Variants in PCDHGB3 observed in about 807,000 individuals in gnomAD.
PCDHGB3 encodes the protein protocadherin gamma-B3.
Under a neutral mutation model 59.2 loss-of-function variants are expected in PCDHGB3, and 40 were observed. The ratio of observed to expected loss-of-function variants is 0.68; its 90% CI spans 0.52 to 0.88. The LOEUF is 0.88. PCDHGB3 is among the 40% of genes least tolerant of loss of function. The pLI is 0.00. For missense variants in PCDHGB3, 1,309 were observed against 1,187.9 expected (o/e 1.10, Z -1.50); for synonymous variants, 581 against 503.6 (o/e 1.15, Z -2.06).
intron 1 of PCDHGB3, chr5:141,484,855 G>T (rs1178318896): frequency 3.9e-6 from 1 of 257,336 alleles, no homozygotes; most frequent in East Asian, 8.3e-5. Context: ...GTTTTTTGGG[G>T]GGTGGGGGAG....
At chr5:141,496,782 C>T (rs552953558) in intron 2 of PCDHGB3, among the ~76,000 whole-genome samples, 16 of 152,136 alleles carry the variant, frequency 1.1e-4, no homozygotes, top group South Asian at 2.1e-4. Context: ...TGAGCAGGGC[C>T]CTGTGCTAAA....
At chr5:141,394,937 C>A in intron 1 of PCDHGB3, 1 of 1,613,806 alleles carries the variant, frequency 6.2e-7, no homozygotes, top group Non-Finnish European at 8.5e-7. Context: ...TCGCCTTTGT[C>A]GCTGTGCTTC....
intron 2 of PCDHGB3, among the ~76,000 whole-genome samples, chr5:141,503,611 A>AG (rs992110793): frequency 6.6e-6 from 1 of 151,948 alleles, no homozygotes; most frequent in Non-Finnish European, 1.5e-5. Flanking sequence ...AAAAAAAAAA[A>AG]AAAGAAAAAA....
intron 1 of PCDHGB3, among the ~76,000 whole-genome samples, chr5:141,450,467 T>C (rs997813636): frequency 9.2e-5 from 14 of 151,944 alleles, no homozygotes; most frequent in African/African-American, 3.2e-4. Flanking sequence ...ATTTTATATA[T>C]AGAGTTTGTT....
At position 141,421,672 on chromosome 5, in the gene PCDHGB3, C is replaced by T; in HGVS notation, c.2415+48863C>T. On this transcript the variant is annotated intron_variant, in intron 1 of 3. Coordinates refer to ENST00000576222, the MANE Select transcript of PCDHGB3 (RefSeq NM_018924.5). Reference sequence around the variant, plus strand: ...GATAAAAGTCAGTGAGCACGCAATTCCTGGGGCGCGATTTGCTCTTCCTAA... The same window carrying T: ...GATAAAAGTCAGTGAGCACGCAATTTCTGGGGCGCGATTTGCTCTTCCTAA... 4 of 1,613,862 alleles carry T rather than the reference C, an allele frequency of 2.5e-6. No individual in the cohort carries two copies. The highest frequency in any genetic ancestry group is 1.6e-4 in the Middle Eastern group (1 of 6,062).
At chr5:141,414,233 T>A in intron 1 of PCDHGB3, 1 of 1,613,474 alleles carries the variant, frequency 6.2e-7, no homozygotes, top group Non-Finnish European at 8.5e-7. Flanking sequence ...GAGCTGACCA[T>A]CACGTCTCTA....
intron 1 of PCDHGB3, among the ~76,000 whole-genome samples, chr5:141,466,180 AT>A (rs922532578): frequency 6.6e-6 from 1 of 151,138 alleles, no homozygotes; most frequent in Admixed American, 6.6e-5. Context: ...TTTTATTTTT[AT>A]TTTTTTTCAG....
rs752341952 is a variant in PCDHGB3 at position 141,431,380 on chromosome 5, T to C, written c.2415+58571T>C. 10 of 1,613,902 alleles carry C rather than the reference T, an allele frequency of 6.2e-6. No homozygotes were observed. The highest frequency in any genetic ancestry group is 8.5e-6 in the Non-Finnish European group (10 of 1,180,024). ...CCCTGGACCGCGAAGAAAAGGCTGCTCACCACCTGGTCCTTACGGCCTCCG... is the reference window on the plus strand; with the variant it reads ...CCCTGGACCGCGAAGAAAAGGCTGCCCACCACCTGGTCCTTACGGCCTCCG... On this transcript the variant is annotated intron_variant, in intron 1 of 3. Transcript: ENST00000576222. The surrounding 1 kb of genome is among the most constrained non-coding windows in gnomAD (Gnocchi z 4.8).
rs746190919 is a variant in PCDHGB3 at position 141,371,965 on chromosome 5, A to T, written c.1571A>T (p.Gln524Leu). 6.2e-7 allele frequency: 1 copy of T among 1,613,282 alleles called. No homozygotes were observed. Among genetic ancestry groups the T allele is most frequent in the South Asian group, 1.1e-5 (1 of 91,068 alleles). ...VFAQRAFDHE[Q>L]LRAFELTLQA... ...GCGCAGCGAGCCTTCGACCACGAGC[A>T]GCTGCGTGCCTTCGAGCTCACTCTG... Residue 524 changes from glutamine to leucine, a missense_variant, in exon 1 of 4, where the codon CAG becomes CTG. Transcript: ENST00000576222.
At chr5:141,411,161 A>G (rs2095470005) in intron 1 of PCDHGB3, 1 of 152,284 alleles carries the variant, frequency 6.6e-6, no homozygotes, top group Non-Finnish European at 1.5e-5. Context: ...AGTTCTGACT[A>G]TCGAACAGAA....
rs762297700 is a variant in PCDHGB3, at chr5:141,370,735, TA to T, written c.344del (p.Asn115ThrfsTer5). On this transcript the variant is annotated frameshift_variant, in exon 1 of 4. Coordinates refer to ENST00000576222, the MANE Select transcript of PCDHGB3 (RefSeq NM_018924.5). LOFTEE classifies it high-confidence loss of function. ...TTTGAAATGGTTGCTGAAAAGCCTT[TA>T]AACTTTTTTCATGTAACTGTGCTGA... ...LEFEMVAEKP[L>X]NFFHVTVLIQ... is the part of the protein sequence containing the mutation. 1 of 1,613,926 alleles carries T rather than the reference TA, an allele frequency of 6.2e-7. No homozygotes were observed. Among genetic ancestry groups the T allele is most frequent in the Non-Finnish European group, 8.5e-7 (1 of 1,179,898 alleles).
chr5:141,372,210 T>C lies in PCDHGB3; in HGVS notation c.1816T>C (p.Tyr606His), dbSNP rs763593596. The part of the protein sequence containing the change: ...ADSGYNAWLS[Y>H]HIVQASEPGL... ...CTCGGGATACAACGCCTGGCTGTCC[T>C]ACCACATTGTGCAGGCCAGCGAGCC... Residue 606 changes from tyrosine to histidine, a missense_variant, in exon 1 of 4, where the codon TAC (tyrosine) becomes CAC (histidine). By Grantham distance (83) the Tyr-to-His change is moderately conservative. Transcript: ENST00000576222. The C allele has an allele frequency of 2.0e-5, 33 of 1,613,456 alleles. No homozygotes were observed. In the South Asian group the frequency reaches 2.9e-4, roughly 14 times the overall value.
At chr5:141,404,782 G>A in intron 1 of PCDHGB3, 1 of 1,613,964 alleles carries the variant, frequency 6.2e-7, no homozygotes. Context: ...GCCTATTCAA[G>A]GCCAGTGAGC....
Position 141,464,191 on chromosome 5 carries a change from G to C in PCDHGB3, c.2416-30616G>C, listed in dbSNP as rs185888723. Among the ~76,000 whole-genome samples, 583 of 151,818 alleles carry C rather than the reference G, an allele frequency of 3.8e-3. 6 individuals are homozygous for C. Among genetic ancestry groups the C allele is most frequent in the Admixed American group, 0.011 (166 of 15,202 alleles). On this transcript the variant is annotated intron_variant, in intron 1 of 3. Transcript: ENST00000576222. ...GAGGCAGGAGAATTGCTTGATTTCA[G>C]GAGGCGGAGATTGCAGTGAGCTGAG...
chr5:141,504,158 T>G (rs890874880), intron 2 of PCDHGB3, among the ~76,000 whole-genome samples: 1 of 152,222 alleles, frequency 6.6e-6, no homozygotes, highest in Non-Finnish European at 1.5e-5. Context: ...TGAAATAATT[T>G]CATCCTTGGA....
intron 1 of PCDHGB3, chr5:141,399,483 C>G (rs753137844): frequency 6.2e-7 from 1 of 1,613,930 alleles, no homozygotes; most frequent in African/African-American, 1.3e-5. Context: ...ACCAGGCGTC[C>G]TACTTAGTCA....
In PCDHGB3 at chr5:141,427,541, C is replaced by G. The variant is rs541988301; in HGVS notation, c.2415+54732C>G. ...AGCGGATCCCGGAGTACAACGTCACCATCACTGCCACTGACAAGGGCAAGC... is the reference window on the plus strand; with the variant it reads ...AGCGGATCCCGGAGTACAACGTCACGATCACTGCCACTGACAAGGGCAAGC... On this transcript the variant is annotated intron_variant, in intron 1 of 3. Coordinates refer to ENST00000576222, the MANE Select transcript of PCDHGB3 (RefSeq NM_018924.5). 3.1e-5 allele frequency: 20 copies of G among 635,320 alleles called. No individual in the cohort carries two copies. The African/African-American group carries it at 3.6e-4, about 11-fold the overall frequency. The allele number at this position is 635,320 out of a possible 1,614,324, so 39.4% of individuals were successfully genotyped here.
At chr5:141,467,736 G>T (rs1435480730) in intron 1 of PCDHGB3, among the ~76,000 whole-genome samples, 1 of 151,902 alleles carries the variant, frequency 6.6e-6, no homozygotes, top group Admixed American at 6.6e-5. Context: ...ATCCCAGCTC[G>T]CTGCAACCTC....
At chr5:141,392,127 A>G (rs2092470129) in intron 1 of PCDHGB3, 1 of 152,236 alleles carries the variant, frequency 6.6e-6, no homozygotes, top group Admixed American at 6.5e-5. Flanking sequence ...AGCTTGTAAA[A>G]TGATTAAGTA....
Sources: gnomAD v4.1 joint callset for allele counts (sites outside exome capture counted in the v4.1 genomes callset) on GRCh38, gnomAD v4.1.1 for gene constraint, Gnocchi (gnomAD v3.1) non-coding constraint, MANE v1.5 for transcripts, NCBI Gene and HGNC (gene_info 2026-07-23, HGNC 2026-07-21) for gene names.